The following TMEM132D variants were observed in gnomAD, a reference collection of about 807,000 sequenced individuals.
The protein encoded by TMEM132D is transmembrane protein 132D, also known as mature OL transmembrane protein.
A neutral mutation model predicts 62.3 loss-of-function variants in TMEM132D; 21 were observed. That is an observed-to-expected ratio of 0.34 (90% confidence interval 0.24 to 0.49). TMEM132D has a LOEUF of 0.49. Among genes scored for constraint, TMEM132D ranks in the 20% least tolerant of loss-of-function variants. TMEM132D has a pLI of 0.99. For missense variants in TMEM132D, 1,346 were observed against 1,402.8 expected (o/e 0.96, Z 0.65); for synonymous variants, 621 against 575.6 (o/e 1.08, Z -1.13).
At chr12:129,499,758 G>T (rs1178991300) in intron 3 of TMEM132D, among the ~76,000 whole-genome samples, 1 of 152,208 alleles carries the variant, frequency 6.6e-6, no homozygotes, top group Non-Finnish European at 1.5e-5. Flanking sequence ...AGGAATTTAA[G>T]TAGAAAACAC....
chr12:129,763,819 GC>G (rs1471154266), intron 1 of TMEM132D, among the ~76,000 whole-genome samples: 19 of 152,222 alleles, frequency 1.2e-4, no homozygotes, highest in African/African-American at 4.1e-4. Context: ...TGACCTCAGA[GC>G]TGGCATGAAT....
rs555658422 is a variant in TMEM132D at position 129,346,917 on chromosome 12, A to AC, written c.1116-9101dup. Among the ~76,000 whole-genome samples the AC allele has an allele frequency of 1.2e-4, 18 of 152,304 alleles. No individual in the cohort carries two copies. In the South Asian group the frequency reaches 3.3e-3, roughly 28 times the overall value. ...AAGCATTCCCATACACTAATAATAG[A>AC]CATGGAGAGAACCAAGTCATGAATG... On this transcript the variant is annotated intron_variant, in intron 3 of 8. Transcript: ENST00000422113.
intron 3 of TMEM132D, among the ~76,000 whole-genome samples, chr12:129,406,513 G>C (rs548012603): frequency 1.3e-5 from 2 of 151,960 alleles, no homozygotes; most frequent in Admixed American, 6.6e-5. Context: ...CCAGCTACTC[G>C]GGAGGCTAAG....
At chr12:129,603,351 C>T (rs7306272) in intron 2 of TMEM132D, among the ~76,000 whole-genome samples, 6,215 of 152,258 alleles carry the variant, frequency 0.041, 190 homozygotes, top group Non-Finnish European at 0.056. Flanking sequence ...CTACTGTCTC[C>T]GAGGTTTTGT....
intron 4 of TMEM132D, among the ~76,000 whole-genome samples, chr12:129,235,400 GT>G (rs55691625): frequency 0.022 from 3,293 of 148,356 alleles, 95 homozygotes; most frequent in African/African-American, 0.07. Context: ...CCCCTAATGG[GT>G]TTTTTTTTTT....
chr12:129,077,063 CTG>C (rs1288036983), intron 8 of TMEM132D, among the ~76,000 whole-genome samples: 1 of 152,220 alleles, frequency 6.6e-6, no homozygotes, highest in African/African-American at 2.4e-5. Context: ...CAAACAAAGA[CTG>C]TAGTATAAGG....
At chr12:129,193,432 CAGA>C (rs1221051610) in intron 5 of TMEM132D, among the ~76,000 whole-genome samples, 1 of 152,120 alleles carries the variant, frequency 6.6e-6, no homozygotes, top group Non-Finnish European at 1.5e-5. Flanking sequence ...GTTAGAAACC[CAGA>C]AGGTGCTATG....
chr12:129,161,590 T>G (rs1877401283), intron 5 of TMEM132D, among the ~76,000 whole-genome samples: 1 of 152,202 alleles, frequency 6.6e-6, no homozygotes, highest in African/African-American at 2.4e-5. Context: ...CCTAGACCCA[T>G]CTTCTCTATT....
At chr12:129,535,519 C>G (rs1038822069) in intron 2 of TMEM132D, among the ~76,000 whole-genome samples, 8 of 152,200 alleles carry the variant, frequency 5.3e-5, no homozygotes, top group Admixed American at 2.0e-4. Flanking sequence ...GCACTGTGTA[C>G]AGAGACTTAG....
intron 3 of TMEM132D, among the ~76,000 whole-genome samples, chr12:129,493,168 T>G (rs1341117630): frequency 6.6e-6 from 1 of 152,212 alleles, no homozygotes; most frequent in Non-Finnish European, 1.5e-5. Flanking sequence ...TCTCTTAATC[T>G]TAAGATTCTG....
At chr12:129,689,449 G>C (rs77371443) in intron 2 of TMEM132D, among the ~76,000 whole-genome samples, 24,208 of 151,934 alleles carry the variant, frequency 0.16, 2,346 homozygotes, top group Middle Eastern at 0.22. Flanking sequence ...GCCTCTCTAA[G>C]TGAACACAAG....
At chr12:129,573,132 G>A (rs987790884) in intron 2 of TMEM132D, among the ~76,000 whole-genome samples, 1 of 152,110 alleles carries the variant, frequency 6.6e-6, no homozygotes, top group Non-Finnish European at 1.5e-5. Flanking sequence ...GCACAGCCAG[G>A]GGCAGCCATG....
intron 1 of TMEM132D, among the ~76,000 whole-genome samples, chr12:129,714,916 C>T (rs1399825070): frequency 2.6e-5 from 4 of 152,114 alleles, no homozygotes; most frequent in Non-Finnish European, 4.4e-5. Flanking sequence ...GGACACAGAG[C>T]GCTGACTTTA....
intron 4 of TMEM132D, among the ~76,000 whole-genome samples, chr12:129,290,679 G>C (rs1300793567): frequency 2.0e-5 from 3 of 152,158 alleles, no homozygotes; most frequent in Non-Finnish European, 4.4e-5. Flanking sequence ...AAGGTTTCAG[G>C]ATGTGGGTGG....
intron 1 of TMEM132D, among the ~76,000 whole-genome samples, chr12:129,792,124 T>C (rs1284809219): frequency 6.6e-6 from 1 of 152,228 alleles, no homozygotes; most frequent in Non-Finnish European, 1.5e-5. Context: ...GATACATGAC[T>C]GATTCCGGGA....
chr12:129,566,566 G>A (rs1470449222), intron 2 of TMEM132D, among the ~76,000 whole-genome samples: 2 of 152,130 alleles, frequency 1.3e-5, no homozygotes, highest in Non-Finnish European at 2.9e-5. Flanking sequence ...AGATATCAAT[G>A]TGATAGCAGA....
At chr12:129,152,196 C>G (rs1877095040) in intron 5 of TMEM132D, among the ~76,000 whole-genome samples, 1 of 152,140 alleles carries the variant, frequency 6.6e-6, no homozygotes, top group Non-Finnish European at 1.5e-5. Flanking sequence ...TAAATCAACT[C>G]ACCTAAAACA....
chr12:129,180,372 A>T (rs143006626), intron 5 of TMEM132D, among the ~76,000 whole-genome samples: 204 of 152,324 alleles, frequency 1.3e-3, no homozygotes, highest in African/African-American at 4.7e-3. Context: ...TTCTGTGATG[A>T]GTCCCTGCCT....
chr12:129,461,382 AC>A (rs1873663606), intron 3 of TMEM132D, among the ~76,000 whole-genome samples: 1 of 152,136 alleles, frequency 6.6e-6, no homozygotes, highest in Non-Finnish European at 1.5e-5. Flanking sequence ...GGACTGAGAA[AC>A]CAGACGGAAA....
Sources: gnomAD v4.1 joint callset for allele counts (sites outside exome capture counted in the v4.1 genomes callset) on GRCh38, gnomAD v4.1.1 for gene constraint, MANE v1.5 for transcripts, NCBI Gene and HGNC (gene_info 2026-07-23, HGNC 2026-07-21) for gene names.